The following SCHIP1 variants were observed in gnomAD, a reference collection of about 807,000 sequenced individuals.
SCHIP1 encodes schwannomin interacting protein 1.
In SCHIP1, 8 loss-of-function variants were observed where a neutral mutation model predicts 29.7. The ratio of observed to expected loss-of-function variants is 0.27; its 90% CI spans 0.16 to 0.49. The LOEUF is 0.49. Among genes scored for constraint, SCHIP1 ranks in the 20% least tolerant of loss-of-function variants. SCHIP1 has a pLI of 0.99. For synonymous variants in SCHIP1, 76 were observed against 94.9 expected (o/e 0.80, Z 1.16); for missense variants, 193 against 294.6 (o/e 0.66, Z 2.52).
chr3:159,423,364 C>T, the SCHIP1 span, among the ~76,000 whole-genome samples: 22 of 152,374 alleles, frequency 1.4e-4, no homozygotes, highest in Middle Eastern at 3.4e-3. Context: ...GAATACTGCA[C>T]TTTTCCGACG....
the SCHIP1 span, among the ~76,000 whole-genome samples, chr3:159,561,268 G>A: frequency 6.6e-6 from 1 of 152,316 alleles, no homozygotes; most frequent in Admixed American, 6.5e-5. Flanking sequence ...CAGTACAGAA[G>A]CTAATCAGGA....
chr3:159,273,715 A>G, the SCHIP1 span: 1 of 1,516,048 alleles, frequency 6.6e-7, no homozygotes, highest in Middle Eastern at 1.7e-4. Context: ...AATTTTTTAG[A>G]CAACCTTACT....
the SCHIP1 span, among the ~76,000 whole-genome samples, chr3:159,619,498 C>A: frequency 6.6e-6 from 1 of 152,228 alleles, no homozygotes; most frequent in African/African-American, 2.4e-5. Context: ...TGGGCTTAAA[C>A]GCTTTTTCCT....
At chr3:159,719,466 A>AT in the SCHIP1 span, among the ~76,000 whole-genome samples, 1 of 152,196 alleles carries the variant, frequency 6.6e-6, no homozygotes, top group East Asian at 1.9e-4. Flanking sequence ...ATGGGAGAAA[A>AT]TTTTTGCAGT....
At chr3:159,332,382 T>C in the SCHIP1 span, among the ~76,000 whole-genome samples, 1 of 152,192 alleles carries the variant, frequency 6.6e-6, no homozygotes, top group Non-Finnish European at 1.5e-5. Flanking sequence ...AATGATCAAA[T>C]CAGGATTTGA....
chr3:159,618,313 C>T, the SCHIP1 span, among the ~76,000 whole-genome samples: 3 of 152,162 alleles, frequency 2.0e-5, no homozygotes, highest in Non-Finnish European at 2.9e-5. Context: ...TCTAATTTTA[C>T]AGAAAGGCCT....
At chr3:159,414,926 C>T in the SCHIP1 span, among the ~76,000 whole-genome samples, 1 of 152,194 alleles carries the variant, frequency 6.6e-6, no homozygotes, top group South Asian at 2.1e-4. Context: ...AAAGCTTACA[C>T]ACCTGCCACT....
At chr3:159,500,890 T>C in the SCHIP1 span, among the ~76,000 whole-genome samples, 1 of 152,216 alleles carries the variant, frequency 6.6e-6, no homozygotes, top group South Asian at 2.1e-4. Flanking sequence ...TATTGAATTG[T>C]CTATTTTCCA....
chr3:159,391,690 G>A, the SCHIP1 span, among the ~76,000 whole-genome samples: 1 of 152,192 alleles, frequency 6.6e-6, no homozygotes, highest in Non-Finnish European at 1.5e-5. Context: ...ATCAGTGGGA[G>A]AACAAAGATA....
At chr3:159,538,978 C>T in the SCHIP1 span, among the ~76,000 whole-genome samples, 4 of 152,044 alleles carry the variant, frequency 2.6e-5, no homozygotes, top group Non-Finnish European at 5.9e-5. Context: ...TGCCTGCCTT[C>T]CCCCTCTCAT....
At chr3:159,571,963 G>A in the SCHIP1 span, among the ~76,000 whole-genome samples, 48 of 152,130 alleles carry the variant, frequency 3.2e-4, no homozygotes, top group African/African-American at 1.0e-3. Context: ...CTGTGGGATC[G>A]GTGGTGATAT....
chr3:159,745,261 C>G, the SCHIP1 span, among the ~76,000 whole-genome samples: 1 of 152,228 alleles, frequency 6.6e-6, no homozygotes, highest in Admixed American at 6.5e-5. Context: ...CTCTAATTAT[C>G]TTCTGTTCCA....
At chr3:159,297,100 CT>C in the SCHIP1 span, among the ~76,000 whole-genome samples, 2 of 147,666 alleles carry the variant, frequency 1.4e-5, no homozygotes, top group African/African-American at 5.0e-5. Flanking sequence ...GTATGACTTC[CT>C]TTTTTAAGGC....
chr3:159,514,468 C>T, the SCHIP1 span, among the ~76,000 whole-genome samples: 1 of 152,192 alleles, frequency 6.6e-6, no homozygotes, highest in Middle Eastern at 3.2e-3. Context: ...GTTCGTCCTT[C>T]ATGAACACAG....
At chr3:159,576,788 C>T in the SCHIP1 span, among the ~76,000 whole-genome samples, 1 of 152,254 alleles carries the variant, frequency 6.6e-6, no homozygotes, top group Non-Finnish European at 1.5e-5. Flanking sequence ...TAACCTTCTG[C>T]ATGCATCTGT....
At chr3:159,606,790 G>GTA in the SCHIP1 span, among the ~76,000 whole-genome samples, 1 of 152,178 alleles carries the variant, frequency 6.6e-6, no homozygotes, top group African/African-American at 2.4e-5. Flanking sequence ...CAGAAAAGGT[G>GTA]TATCTTGACT....
the SCHIP1 span, among the ~76,000 whole-genome samples, chr3:159,816,212 G>A: frequency 6.6e-6 from 1 of 151,820 alleles, no homozygotes; most frequent in African/African-American, 2.4e-5. Flanking sequence ...GCTTCTCAAA[G>A]TGCTGGGATT....
chr3:159,680,632 T>A, the SCHIP1 span, among the ~76,000 whole-genome samples: 15 of 85,022 alleles, frequency 1.8e-4, no homozygotes, highest in South Asian at 2.9e-4. Context: ...AATATATATT[T>A]TATATATTAT....
the SCHIP1 span, among the ~76,000 whole-genome samples, chr3:159,491,924 G>C: frequency 1.3e-5 from 2 of 152,216 alleles, no homozygotes; most frequent in African/African-American, 4.8e-5. Flanking sequence ...CGATCAGGCA[G>C]CAGCATTTGC....
Sources: allele counts gnomAD v4.1 joint callset (sites outside exome capture counted in the v4.1 genomes callset), GRCh38; gene constraint gnomAD v4.1.1; transcripts MANE v1.5; gene names NCBI Gene and HGNC (gene_info 2026-07-23, HGNC 2026-07-21).